The following EPHA6 variants were observed in gnomAD, a reference collection of about 807,000 sequenced individuals.
EPHA6 encodes EPH receptor A6.
EPHA6 carries 50 observed loss-of-function variants against 112.0 expected under a neutral mutation model. That is an observed-to-expected ratio of 0.45 (90% CI 0.36 to 0.56). The LOEUF (loss-of-function observed/expected upper bound fraction) is 0.56, where lower values mean the gene tolerates loss of function less well. Among genes scored for constraint, EPHA6 ranks in the 20% least tolerant of loss-of-function variants. The pLI is 0.00. For missense variants in EPHA6, 1,280 were observed against 1,417.4 expected (o/e 0.90, Z 1.56); for synonymous variants, 529 against 490.7 (o/e 1.08, Z -1.03).
intron 3 of EPHA6, among the ~76,000 whole-genome samples, chr3:97,044,846 A>G (rs2045447493): frequency 6.6e-6 from 1 of 152,118 alleles, no homozygotes; most frequent in African/African-American, 2.4e-5. Flanking sequence ...GGTAAACTAT[A>G]AAAACTTGGT....
At chr3:97,100,635 T>C (rs990953072) in intron 3 of EPHA6, among the ~76,000 whole-genome samples, 2 of 149,882 alleles carry the variant, frequency 1.3e-5, no homozygotes, top group African/African-American at 5.0e-5. Flanking sequence ...GTAAGTTAAG[T>C]AGGAACAAGA....
chr3:97,409,571 A>G (rs2107105904), intron 6 of EPHA6, among the ~76,000 whole-genome samples: 1 of 152,150 alleles, frequency 6.6e-6, no homozygotes, highest in East Asian at 1.9e-4. Flanking sequence ...CTGATTTTCT[A>G]GGTTCCCTGA....
At chr3:97,043,011 G>C (rs2045370291) in intron 3 of EPHA6, among the ~76,000 whole-genome samples, 1 of 152,084 alleles carries the variant, frequency 6.6e-6, no homozygotes, top group Non-Finnish European at 1.5e-5. Context: ...TGAAGCAACT[G>C]TCTTATTGCA....
At chr3:97,524,689 G>T (rs1196827147) in intron 10 of EPHA6, among the ~76,000 whole-genome samples, 1 of 152,012 alleles carries the variant, frequency 6.6e-6, no homozygotes, top group South Asian at 2.1e-4. Context: ...CTCAGCTTTT[G>T]TTTGTCTTAG....
intron 10 of EPHA6, among the ~76,000 whole-genome samples, chr3:97,514,750 A>G (rs2092420953): frequency 6.6e-6 from 1 of 152,132 alleles, no homozygotes; most frequent in South Asian, 2.1e-4. Context: ...CTCATAGAAG[A>G]GAAAGAGAGA....
chr3:97,428,018 T>C (rs1025325830), intron 6 of EPHA6, among the ~76,000 whole-genome samples: 4 of 152,032 alleles, frequency 2.6e-5, no homozygotes, highest in Admixed American at 1.3e-4. Context: ...ACAATTTATG[T>C]AACAAACCTG....
intron 13 of EPHA6, among the ~76,000 whole-genome samples, chr3:97,633,649 A>G (rs1469058998): frequency 6.6e-6 from 1 of 152,120 alleles, no homozygotes; most frequent in Non-Finnish European, 1.5e-5. Context: ...GTTTTATACG[A>G]GACAATAGGA....
intron 11 of EPHA6, among the ~76,000 whole-genome samples, chr3:97,568,378 C>A (rs1002114708): frequency 1.3e-5 from 2 of 152,132 alleles, no homozygotes; most frequent in South Asian, 2.1e-4. Flanking sequence ...TAACATGACA[C>A]CCTGGCTTAT....
At chr3:97,497,167 G>A (rs1420999552) in intron 10 of EPHA6, among the ~76,000 whole-genome samples, 2 of 152,140 alleles carry the variant, frequency 1.3e-5, no homozygotes, top group African/African-American at 4.8e-5. Context: ...CTCAAAACCT[G>A]CCAATCATGA....
At chr3:97,726,362 C>T (rs1304000348) in intron 15 of EPHA6, among the ~76,000 whole-genome samples, 2 of 152,090 alleles carry the variant, frequency 1.3e-5, no homozygotes, top group East Asian at 1.9e-4. Flanking sequence ...ATGCATGCTC[C>T]TCTATCACAA....
At chr3:96,888,907 G>A (rs1024565153) in intron 2 of EPHA6, among the ~76,000 whole-genome samples, 11 of 152,108 alleles carry the variant, frequency 7.2e-5, no homozygotes, top group African/African-American at 2.4e-4. Context: ...TTTATGCTCT[G>A]CTTCCCACAT....
intron 5 of EPHA6, among the ~76,000 whole-genome samples, chr3:97,401,133 G>T (rs898639821): frequency 4.0e-5 from 6 of 151,664 alleles, no homozygotes; most frequent in African/African-American, 1.4e-4. Context: ...ATGAAGAGAT[G>T]TTGATTTTTA....
intron 13 of EPHA6, among the ~76,000 whole-genome samples, chr3:97,634,437 TAGAC>T (rs1163583587): frequency 6.6e-6 from 1 of 151,754 alleles, no homozygotes; most frequent in African/African-American, 2.4e-5. Context: ...CGTGGATAAA[TAGAC>T]AGAAGATTGT....
intron 10 of EPHA6, among the ~76,000 whole-genome samples, chr3:97,484,973 A>G (rs57955609): frequency 0.021 from 3,231 of 152,358 alleles, 111 homozygotes; most frequent in African/African-American, 0.072. Flanking sequence ...TAATTGCTAG[A>G]GAGTTTGGAA....
chr3:97,470,007 C>A lies in EPHA6; in HGVS notation c.1895-5345C>A, dbSNP rs536422523. ...CCCTATGCTTTTAAACCCACGTGGCCCAAATGATAACAATATCATCTACAA... is the reference window on the plus strand; with the variant it reads ...CCCTATGCTTTTAAACCCACGTGGCACAAATGATAACAATATCATCTACAA... On this transcript the variant is annotated intron_variant, in intron 7 of 17. Transcript: ENST00000389672. Among the ~76,000 whole-genome samples the A allele has an allele frequency of 1.8e-3, 280 of 151,552 alleles. 2 individuals are homozygous for A. Among genetic ancestry groups the A allele is most frequent in the African/African-American group, 6.4e-3 (265 of 41,410 alleles).
chr3:97,435,117 T>G (rs9835430), intron 6 of EPHA6, among the ~76,000 whole-genome samples: 2,916 of 152,134 alleles, frequency 0.019, 99 homozygotes, highest in African/African-American at 0.066. Flanking sequence ...AAATCAGTCA[T>G]ATACTAGATC....
chr3:97,023,547 A>G (rs2044533982), intron 3 of EPHA6, among the ~76,000 whole-genome samples: 1 of 151,816 alleles, frequency 6.6e-6, no homozygotes, highest in Non-Finnish European at 1.5e-5. Context: ...TACTATATAT[A>G]TTTACTTAGT....
chr3:97,441,824 A>T (rs1470628727), intron 6 of EPHA6, among the ~76,000 whole-genome samples: 3 of 152,224 alleles, frequency 2.0e-5, no homozygotes, highest in Admixed American at 6.5e-5. Flanking sequence ...TAATTCTAAA[A>T]TTTTTTTAAG....
Position 97,205,613 on chromosome 3 carries a change from T to A in EPHA6, c.1115-20651T>A, listed in dbSNP as rs547408036. Among the ~76,000 whole-genome samples the A allele has an allele frequency of 5.9e-5, 9 of 152,104 alleles. No individual in the cohort carries two copies. In the South Asian group the frequency reaches 1.0e-3, roughly 18 times the overall value. ...TGCACAGGTTTCACAGGGCTGACAGTGAGGCTTGAGTATGGGAAGATGGTA... is the reference window on the plus strand; with the variant it reads ...TGCACAGGTTTCACAGGGCTGACAGAGAGGCTTGAGTATGGGAAGATGGTA... On this transcript the variant is annotated intron_variant, in intron 3 of 17. Coordinates refer to ENST00000389672, the MANE Select transcript of EPHA6 (RefSeq NM_001080448.3).
Sources: gnomAD v4.1 joint callset for allele counts (sites outside exome capture counted in the v4.1 genomes callset) on GRCh38, gnomAD v4.1.1 for gene constraint, MANE v1.5 for transcripts, NCBI Gene and HGNC (gene_info 2026-07-23, HGNC 2026-07-21) for gene names.